KALRN: variants seen among roughly 807,000 people sequenced by gnomAD.
KALRN encodes kalirin.
Under a neutral mutation model 353.7 loss-of-function variants are expected in KALRN, and 70 were observed. The observed-to-expected ratio is 0.20, with a 90% CI of 0.16 to 0.24. The LOEUF (loss-of-function observed/expected upper bound fraction) is 0.24, where lower values mean the gene tolerates loss of function less well. Among genes scored for constraint, KALRN ranks in the 10% least tolerant of loss-of-function variants. KALRN has a pLI of 1.00. For synonymous variants in KALRN, 1,391 were observed against 1,434.8 expected, an observed-to-expected ratio of 0.97 and a Z score of 0.69; for missense variants, 2,791 against 3,756.7, an observed-to-expected ratio of 0.74 and a Z score of 6.72.
At chr3:124,037,570 G>A (rs2039546662) in intron 1 of KALRN, among the ~76,000 whole-genome samples, 1 of 152,168 alleles carries the variant, frequency 6.6e-6, no homozygotes, top group Non-Finnish European at 1.5e-5. Context: ...TGTTTGGAAA[G>A]GTTAATCTGG....
intron 11 of KALRN, among the ~76,000 whole-genome samples, chr3:124,393,253 A>T (rs1226688371): frequency 6.6e-6 from 1 of 152,196 alleles, no homozygotes; most frequent in Non-Finnish European, 1.5e-5. Flanking sequence ...GGTGTGAACC[A>T]CTGTGCCTGG....
chr3:124,625,115 A>G (rs2079788873), intron 34 of KALRN, among the ~76,000 whole-genome samples: 2 of 152,216 alleles, frequency 1.3e-5, no homozygotes, highest in African/African-American at 4.8e-5. Context: ...TGTTCTAAAC[A>G]CTTTTCAAAT....
chr3:124,094,986 C>T, intron 1 of KALRN: 1 of 1,328,020 alleles, frequency 7.5e-7, no homozygotes. Flanking sequence ...TGCAGAAAGA[C>T]ACAGCAGAGA....
rs2039291484 is a variant in KALRN at position 124,035,052 on chromosome 3, A to G, written c.73+1239A>G. Among the ~76,000 whole-genome samples, 3 of 152,140 alleles carry G rather than the reference A, an allele frequency of 2.0e-5. No homozygotes were observed. In the South Asian group the frequency reaches 6.2e-4, roughly 32 times the overall value. ...TGATTGGCTCATATGTTCATTCTCT[A>G]GTTGATGTGCAGAGGAAAAAACTGG... On this transcript the variant is annotated intron_variant, in intron 1 of 59. Coordinates refer to ENST00000682506, the MANE Select transcript of KALRN (RefSeq NM_001388419.1).
intron 10 of KALRN, among the ~76,000 whole-genome samples, chr3:124,372,989 C>G (rs999470270): frequency 3.3e-5 from 5 of 151,984 alleles, no homozygotes; most frequent in Admixed American, 2.6e-4. Flanking sequence ...TCCCGCAACT[C>G]CCTCCCCCAG....
intron 1 of KALRN, among the ~76,000 whole-genome samples, chr3:124,225,254 T>G (rs2078349295): frequency 6.6e-6 from 1 of 152,216 alleles, no homozygotes; most frequent in Non-Finnish European, 1.5e-5. Context: ...ATACATATAT[T>G]GTTCAAAAGT....
At chr3:124,307,821 T>C (rs2077854590) in intron 6 of KALRN, among the ~76,000 whole-genome samples, 2 of 151,974 alleles carry the variant, frequency 1.3e-5, no homozygotes, top group Admixed American at 6.6e-5. Context: ...AGGTAGAAAT[T>C]GTCAGACTGG....
At chr3:124,172,227 C>G (rs1174617593) in intron 1 of KALRN, among the ~76,000 whole-genome samples, 1 of 152,202 alleles carries the variant, frequency 6.6e-6, no homozygotes, top group African/African-American at 2.4e-5. Context: ...ATCAGCCCAT[C>G]TCACCCCTAC....
In KALRN at chr3:124,723,056, G is replaced by T. The variant is rs1218323304; in HGVS notation, c.*3586G>T. 6.6e-6 allele frequency: 1 copy of T among 152,108 alleles called. No homozygotes were observed. Among genetic ancestry groups the T allele is most frequent in the Non-Finnish European group, 1.5e-5 (1 of 68,020 alleles). The allele number at this position is 152,108 out of a possible 1,614,324, so 9.4% of individuals were successfully genotyped here. ...TGGTAAAATTTTTAAGAAAAAAATG[G>T]TAATGTTGGAGATATCCTTCAGGTC... On this transcript the variant is annotated 3_prime_UTR_variant, in exon 60 of 60. Transcript: ENST00000682506.
chr3:124,696,550 T>A (rs2062062098), intron 54 of KALRN, among the ~76,000 whole-genome samples: 1 of 152,330 alleles, frequency 6.6e-6, no homozygotes, highest in African/African-American at 2.4e-5. Flanking sequence ...AACCATTTTT[T>A]AAAAAATTCA....
intron 34 of KALRN, among the ~76,000 whole-genome samples, chr3:124,632,213 A>G (rs1454427642): frequency 6.6e-6 from 1 of 152,154 alleles, no homozygotes; most frequent in African/African-American, 2.4e-5. Context: ...TATCCATAGT[A>G]CCGGGAATGG....
chr3:124,488,056 A>G (rs1004961489), intron 28 of KALRN, 148 bp from the exon 29 acceptor site: 5 of 555,750 alleles, frequency 9.0e-6, no homozygotes, highest in Middle Eastern at 4.0e-4. Flanking sequence ...CTTAGAGATA[A>G]CCCCTTTTAC....
At chr3:124,654,535 G>C (rs1051807680) in intron 38 of KALRN, among the ~76,000 whole-genome samples, 9 of 152,224 alleles carry the variant, frequency 5.9e-5, no homozygotes, top group African/African-American at 1.9e-4. Flanking sequence ...GATTGGAAGA[G>C]TTTGACTCCA....
At chr3:124,131,699 G>A (rs1578400257) in intron 1 of KALRN, among the ~76,000 whole-genome samples, 1 of 152,176 alleles carries the variant, frequency 6.6e-6, no homozygotes, top group African/African-American at 2.4e-5. Flanking sequence ...TTGGGAAATT[G>A]TGGTGATTAC....
chr3:124,146,300 C>T (rs1401064138), intron 1 of KALRN, among the ~76,000 whole-genome samples: 1 of 152,154 alleles, frequency 6.6e-6, no homozygotes, highest in African/African-American at 2.4e-5. Context: ...CATTTAGAAA[C>T]TTTATAGCAA....
At chr3:124,380,162 T>C (rs2087145093) in intron 10 of KALRN, among the ~76,000 whole-genome samples, 1 of 152,170 alleles carries the variant, frequency 6.6e-6, no homozygotes, top group Non-Finnish European at 1.5e-5. Flanking sequence ...TCTAGAGTGT[T>C]TTTATTCACT....
intron 42 of KALRN, among the ~76,000 whole-genome samples, chr3:124,658,960 A>G (rs1185441768): frequency 6.6e-6 from 1 of 152,128 alleles, no homozygotes; most frequent in Non-Finnish European, 1.5e-5. Flanking sequence ...CAGCATCATC[A>G]CTTAGAAAAA....
At chr3:124,403,580 A>C (rs765517472) in intron 13 of KALRN, among the ~76,000 whole-genome samples, 1 of 152,224 alleles carries the variant, frequency 6.6e-6, no homozygotes, top group Non-Finnish European at 1.5e-5. Flanking sequence ...AATAGGGGCC[A>C]GGCTAAGGCT....
chr3:124,636,340 A>G (rs1206604986), intron 36 of KALRN, among the ~76,000 whole-genome samples: 5 of 152,186 alleles, frequency 3.3e-5, no homozygotes, highest in Non-Finnish European at 5.9e-5. Context: ...CAGGTAGAAG[A>G]AGGAAGAAAA....
Sources: allele counts gnomAD v4.1 joint callset (sites outside exome capture counted in the v4.1 genomes callset), GRCh38; gene constraint gnomAD v4.1.1; transcripts MANE v1.5; gene names NCBI Gene and HGNC (gene_info 2026-07-23, HGNC 2026-07-21).